Variants in FGF14 observed in about 807,000 individuals in gnomAD.
The protein encoded by FGF14 is fibroblast growth factor homologous factor 4.
FGF14 carries 5 observed loss-of-function variants against 25.5 expected under a neutral mutation model. The observed-to-expected ratio is 0.20, with a 90% CI of 0.10 to 0.41. FGF14 has a LOEUF of 0.41. Among genes scored for constraint, FGF14 ranks in the 10% least tolerant of loss-of-function variants. FGF14 has a pLI of 1.00. For missense variants in FGF14, 222 were observed against 320.1 expected (o/e 0.69, Z 2.34); for synonymous variants, 138 against 118.3 (o/e 1.17, Z -1.08).
chr13:101,712,529 T>A lies in FGF14; in HGVS notation c.*10302A>T, dbSNP rs2034516810. The stretch of plus-strand genomic sequence containing the variant: ...GATATTTCATGAATTGTGACATATA[T>A]AAAATGATATCCTGGGTGTATATAT... On this transcript the variant is annotated 3_prime_UTR_variant, in exon 5 of 5. Coordinates refer to ENST00000376143, the MANE Select transcript of FGF14 (RefSeq NM_004115.4). 6.6e-6 allele frequency: 1 copy of A among 152,154 alleles called. No individual in the cohort carries two copies. The highest frequency in any genetic ancestry group is 6.5e-5 in the Admixed American group (1 of 15,278). The allele number at this position is 152,154 out of a possible 1,614,324, so 9.4% of individuals were successfully genotyped here. A position where few individuals can be genotyped will look rare whatever the true frequency, so the allele number is the denominator to read the frequency against.
intron 1 of FGF14, among the ~76,000 whole-genome samples, chr13:102,267,921 G>A (rs1221267695): frequency 1.3e-5 from 2 of 151,956 alleles, no homozygotes; most frequent in Non-Finnish European, 2.9e-5. Context: ...AAGCTGGTTA[G>A]GTGAGCTGAT....
intron 3 of FGF14, among the ~76,000 whole-genome samples, chr13:101,850,440 C>T (rs368494432): frequency 4.9e-5 from 5 of 101,794 alleles, no homozygotes; most frequent in Non-Finnish European, 7.9e-5. Flanking sequence ...GGAAACAGGG[C>T]GAGACTCTGT....
Position 102,064,985 on chromosome 13 carries a change from A to C in FGF14, c.209-189689T>G, listed in dbSNP as rs1161864829. Among the ~76,000 whole-genome samples, 6 of 152,146 alleles carry C rather than the reference A, an allele frequency of 3.9e-5. 1 individual carries two copies. Among genetic ancestry groups the C allele is most frequent in the African/African-American group, 1.4e-4 (6 of 41,566 alleles). On this transcript the variant is annotated intron_variant, in intron 1 of 4. Coordinates refer to the FGF14 transcript ENST00000376131. The stretch of plus-strand genomic sequence containing the variant: ...CTAAAAAGAAAATTGAATGCTAATC[A>C]TTATCATAAATATCAGATATATAAT...
chr13:102,120,274 A>T (rs1039739945), intron 1 of FGF14, among the ~76,000 whole-genome samples: 2 of 152,264 alleles, frequency 1.3e-5, no homozygotes, highest in African/African-American at 4.8e-5. Flanking sequence ...AAAGCCGTAA[A>T]CAACTCAATG....
chr13:102,242,228 A>T (rs1452951718), intron 1 of FGF14, among the ~76,000 whole-genome samples: 1 of 152,184 alleles, frequency 6.6e-6, no homozygotes, highest in East Asian at 1.9e-4. Context: ...GGCAATACAG[A>T]AAATATTACA....
At chr13:102,126,093 T>C (rs2045937474) in intron 1 of FGF14, among the ~76,000 whole-genome samples, 2 of 152,144 alleles carry the variant, frequency 1.3e-5, no homozygotes, top group Non-Finnish European at 2.9e-5. Context: ...ATCCCAACCA[T>C]TATAAAGTAT....
intron 1 of FGF14, among the ~76,000 whole-genome samples, chr13:101,961,473 G>A (rs1013819580): frequency 7.2e-5 from 11 of 152,090 alleles, no homozygotes; most frequent in Non-Finnish European, 1.6e-4. Flanking sequence ...GTTTTTGTCA[G>A]GCTTGTTGAA....
chr13:102,008,368 C>A (rs74703341), intron 1 of FGF14, among the ~76,000 whole-genome samples: 1,602 of 152,266 alleles, frequency 0.011, 20 homozygotes, highest in African/African-American at 0.036. Context: ...AAAGTCATTT[C>A]TGTTGACTGT....
chr13:102,166,341 A>AT (rs1431004796), intron 1 of FGF14, among the ~76,000 whole-genome samples: 2 of 152,034 alleles, frequency 1.3e-5, no homozygotes, highest in African/African-American at 4.8e-5. Context: ...AAATAGATTT[A>AT]TTTTACAATT....
intron 3 of FGF14, among the ~76,000 whole-genome samples, chr13:101,847,555 T>C (rs2043530538): frequency 6.6e-6 from 1 of 152,104 alleles, no homozygotes; most frequent in Non-Finnish European, 1.5e-5. Flanking sequence ...AGCATGTCTG[T>C]ATAGACAAAA....
intron 3 of FGF14, among the ~76,000 whole-genome samples, chr13:101,761,882 A>G (rs764320895): frequency 1.3e-5 from 2 of 152,192 alleles, no homozygotes; most frequent in Admixed American, 6.5e-5. Context: ...TCACAATTAA[A>G]GGCTCCCATC....
intron 1 of FGF14, among the ~76,000 whole-genome samples, chr13:102,048,220 GC>G (rs150312556): frequency 0.032 from 4,901 of 152,192 alleles, 110 homozygotes; most frequent in African/African-American, 0.057. Flanking sequence ...TCATAACCTT[GC>G]TCTGTTGTTC....
intron 1 of FGF14, among the ~76,000 whole-genome samples, chr13:102,186,114 A>T (rs510940): frequency 0.38 from 57,301 of 151,894 alleles, 10,968 homozygotes; most frequent in Middle Eastern, 0.48. Flanking sequence ...GGTTAAAAAA[A>T]TATATATATA....
intron 1 of FGF14, among the ~76,000 whole-genome samples, chr13:102,327,954 G>A (rs2056512905): frequency 7.0e-6 from 1 of 142,550 alleles, no homozygotes. Context: ...GCAAAAGGCA[G>A]GATAAAAGAA....
At chr13:101,850,454 T>C in intron 3 of FGF14, among the ~76,000 whole-genome samples, 1 of 86,236 alleles carries the variant, frequency 1.2e-5, no homozygotes, top group African/African-American at 4.4e-5. Context: ...ACTCTGTCTC[T>C]AAAGGCAATA....
chr13:102,269,235 C>T (rs540443812), intron 1 of FGF14, among the ~76,000 whole-genome samples: 4 of 152,304 alleles, frequency 2.6e-5, no homozygotes, highest in African/African-American at 4.8e-5. Context: ...GCAATTTCTG[C>T]TAATATATCA....
chr13:102,365,978 G>A (rs142462989), intron 1 of FGF14, among the ~76,000 whole-genome samples: 1 of 152,208 alleles, frequency 6.6e-6, no homozygotes, highest in African/African-American at 2.4e-5. Context: ...TTGCCCAACT[G>A]TCAAAAAGTA....
chr13:102,236,806 T>C lies in FGF14; in HGVS notation c.208+164665A>G, dbSNP rs113391094. On this transcript the variant is annotated intron_variant, in intron 1 of 4. Transcript: ENST00000376131. ...CACATGGACATAGGATGCGGAACCCTCATTTGCATCATCAGCCTAGAGCAG... is the reference window on the plus strand; with the variant it reads ...CACATGGACATAGGATGCGGAACCCCCATTTGCATCATCAGCCTAGAGCAG... 6.7e-3 allele frequency among the ~76,000 whole-genome samples: 1,013 copies of C among 152,272 alleles called. 10 individuals are homozygous for C. Among genetic ancestry groups the C allele is most frequent in the African/African-American group, 0.023 (957 of 41,532 alleles).
chr13:102,272,745 A>G (rs923222499), intron 1 of FGF14, among the ~76,000 whole-genome samples: 6 of 152,126 alleles, frequency 3.9e-5, no homozygotes, highest in African/African-American at 1.4e-4. Flanking sequence ...AAGATCGTAT[A>G]GATATTGAGT....
Sources: allele counts gnomAD v4.1 joint callset (sites outside exome capture counted in the v4.1 genomes callset), GRCh38; gene constraint gnomAD v4.1.1; transcripts MANE v1.5; gene names NCBI Gene and HGNC (gene_info 2026-07-23, HGNC 2026-07-21).